The following MOV10 variants were observed in gnomAD, a reference collection of about 807,000 sequenced individuals.
MOV10 encodes the protein Mov10 RNA helicase.
MOV10 carries 39 observed loss-of-function variants against 108.4 expected under a neutral mutation model. That is an observed-to-expected ratio of 0.36 (90% CI 0.28 to 0.47). MOV10 has a LOEUF of 0.47. MOV10 is among the 20% of genes least tolerant of loss of function. MOV10 has a pLI of 1.00. For synonymous variants in MOV10, 490 were observed against 523.1 expected, an observed-to-expected ratio of 0.94 and a Z score of 0.86; for missense variants, 952 against 1,297.6, an observed-to-expected ratio of 0.73 and a Z score of 4.09.
chr1:112,698,509 G>T lies in MOV10; in HGVS notation c.2508+31G>T, dbSNP rs754805863. ...GTCCTCAGTTACCAGCAAGGGTGGG[G>T]CCCCTCCCCCAGATGGTACCTCCTT... On this transcript the variant is annotated intron_variant, in intron 16 of 20. Transcript: ENST00000369645. 6.9e-6 allele frequency: 11 copies of T among 1,604,726 alleles called. No individual in the cohort carries two copies. In the African/African-American group the frequency reaches 1.5e-4, roughly 21 times the overall value.
At chr1:112,687,190 A>G (rs957535186) in intron 2 of MOV10, 2 of 339,042 alleles carry the variant, frequency 5.9e-6, no homozygotes, top group African/African-American at 2.2e-5. Flanking sequence ...AGTAGCTAAC[A>G]TTTACTGAGC....
In MOV10 at chr1:112,674,946, G is replaced by C; in HGVS notation, c.34G>C (p.Glu12Gln). ...TAAGTTCAGCTGCCGGCAGCTCCGG[G>C]AGGCGGGCCAGTGTTTCGAGAGTTT... is the stretch of plus-strand genomic sequence containing the variant. ...PSKFSCRQLR[E>Q]AGQCFESFLV... The change falls in exon 2 of 21, where the codon GAG becomes CAG. Residue 12 changes from glutamate (E) to glutamine (Q), a missense_variant. Coordinates refer to ENST00000369645, the MANE Select transcript of MOV10 (RefSeq NM_001321324.2). 6.3e-7 allele frequency: 1 copy of C among 1,583,794 alleles called. No individual in the cohort carries two copies. Among genetic ancestry groups the C allele is most frequent in the South Asian group, 1.1e-5 (1 of 88,538 alleles).
Position 112,698,431 on chromosome 1 carries a change from C to T in MOV10, c.2461C>T (p.Arg821Cys), listed in dbSNP as rs1374726085. Residue 821 changes from arginine (R) to cysteine (C), a missense_variant, in exon 16 of 21, where the codon CGC becomes TGC. Around this residue, in one of 5 missense-constraint regions of MOV10, gnomAD observed 453 missense variants for 611.5 expected, o/e 0.74. Transcript: ENST00000369645. Reference protein sequence around the residue: ...LAPSSKKGKARLSPRSVGVIS... With the variant: ...LAPSSKKGKACLSPRSVGVIS... ...CCCCTCCTCCAAGAAGGGCAAAGCT[C>T]GCCTGAGCCCTCGAAGTGTGGGCGT... 9 of 1,614,032 alleles carry T rather than the reference C, an allele frequency of 5.6e-6. No individual in the cohort carries two copies. In the Admixed American group the frequency reaches 6.7e-5, roughly 12 times the overall value.
chr1:112,688,804 C>G, intron 2 of MOV10, 131 bp from the exon 3 acceptor site: 1 of 1,512,592 alleles, frequency 6.6e-7, no homozygotes, highest in Non-Finnish European at 8.8e-7. Flanking sequence ...TGTCTCTGGG[C>G]CCCATCCTGC....
rs893972575 is a variant in MOV10 at position 112,675,432 on chromosome 1, C to G, written c.137+383C>G. On this transcript the variant is annotated intron_variant, in intron 2 of 20. Coordinates refer to ENST00000369645, the MANE Select transcript of MOV10 (RefSeq NM_001321324.2). The surrounding 1 kb of genome is among the most constrained non-coding windows in gnomAD (Gnocchi z 4.7). The stretch of plus-strand genomic sequence containing the variant: ...AGAGGGGGCCCAGGCATCGCGGGAG[C>G]GCGGGTTAGAGGCTGCCTGTTGGGG... Among the ~76,000 whole-genome samples, 1 of 152,170 alleles carries G rather than the reference C, an allele frequency of 6.6e-6. No homozygotes were observed.
At chr1:112,674,532 G>A (rs563424257), upstream of MOV10, 14 of 162,214 alleles carry the variant, frequency 8.6e-5, 1 homozygote, top group South Asian at 6.5e-4. Context: ...CGTGAGGGTA[G>A]CCCTGGCTGA....
At position 112,694,095 on chromosome 1, in the gene MOV10, C is replaced by G; in HGVS notation, c.1218C>G (p.His406Gln). Residue 406 changes from histidine to glutamine, a missense_variant, in exon 8 of 21, where the codon CAC (histidine) becomes CAG (glutamine). Physicochemically the swap from His to Gln is conservative, Grantham distance 24. This residue lies in a region of MOV10 where 453 missense variants were observed against 611.5 expected (regional missense o/e 0.74). Transcript: ENST00000369645. This position sits in a 1 kb window ranked among gnomAD's most constrained non-coding sequence, Gnocchi z 4.1. ...HLFALLSSET[H>Q]QEDPITYKGF... is the part of the protein sequence containing the mutation. The stretch of plus-strand genomic sequence containing the variant: ...TTGCCCTTTTGTCCTCGGAGACACA[C>G]CAGGAGGACCCCATCACATATAAGG... 1 of 1,614,042 alleles carries G rather than the reference C, an allele frequency of 6.2e-7. No individual in the cohort carries two copies. Among genetic ancestry groups the G allele is most frequent in the South Asian group, 1.1e-5 (1 of 91,080 alleles).
chr1:112,680,218 T>G (rs1336770160), intron 2 of MOV10, among the ~76,000 whole-genome samples: 1 of 152,114 alleles, frequency 6.6e-6, no homozygotes, highest in African/African-American at 2.4e-5. Context: ...ATCTCATTAT[T>G]GTGTTTTATA....
chr1:112,685,996 G>C (rs12071242), intron 2 of MOV10, among the ~76,000 whole-genome samples: 1 of 152,172 alleles, frequency 6.6e-6, no homozygotes, highest in South Asian at 2.1e-4. Flanking sequence ...TTGAAAGTCA[G>C]ATCTGGCCAT....
chr1:112,675,260 G>C lies in MOV10; in HGVS notation c.137+211G>C, dbSNP rs1672094713. Among the ~76,000 whole-genome samples, 2 of 151,918 alleles carry C rather than the reference G, an allele frequency of 1.3e-5. No homozygotes were observed. The highest frequency in any genetic ancestry group is 4.1e-4 in the South Asian group (2 of 4,830). ...GAGCCCGCCAGTTCTGCCCGAGCTG[G>C]GCCCCTGCGCCAAGTCGCCGCGGAG... On this transcript the variant is annotated intron_variant, in intron 2 of 20. Coordinates refer to ENST00000369645, the MANE Select transcript of MOV10 (RefSeq NM_001321324.2). This position sits in a 1 kb window ranked among gnomAD's most constrained non-coding sequence, Gnocchi z 4.7.
At chr1:112,688,816 C>A in intron 2 of MOV10, 119 bp from the exon 3 acceptor site, 1 of 1,537,224 alleles carries the variant, frequency 6.5e-7, no homozygotes, top group Non-Finnish European at 8.7e-7. Flanking sequence ...CCATCCTGCT[C>A]CACAGCAGGG....
chr1:112,686,877 A>T, intron 2 of MOV10: 1 of 453,870 alleles, frequency 2.2e-6, no homozygotes, highest in Non-Finnish European at 4.4e-6. Flanking sequence ...CTTCTTCTGT[A>T]TCTCTACCCA....
Position 112,700,553 on chromosome 1 carries a change from T to A in MOV10, c.*46T>A. ...TCGCACCAGCCAAGCCTTAACTGCCTGCCTGACCCTGAACCAGAACCCAGC... is the reference window on the plus strand; with the variant it reads ...TCGCACCAGCCAAGCCTTAACTGCCAGCCTGACCCTGAACCAGAACCCAGC... On this transcript the variant is annotated 3_prime_UTR_variant, in exon 21 of 21. Transcript: ENST00000369645. The A allele has an allele frequency of 6.2e-7, 1 of 1,604,598 alleles. No homozygotes were observed. Among genetic ancestry groups the A allele is most frequent in the South Asian group, 1.1e-5 (1 of 89,864 alleles).
At chr1:112,691,901 A>G (rs1673625587) in intron 6 of MOV10, 102 bp downstream of exon 6, 2 of 1,328,840 alleles carry the variant, frequency 1.5e-6, no homozygotes, top group African/African-American at 1.5e-5. Context: ...GGCTGTATTC[A>G]TTCATTCCCT....
At position 112,674,876 on chromosome 1, in the gene MOV10, C is replaced by T; in HGVS notation, c.-37C>T. On this transcript the variant is annotated 5_prime_UTR_variant, in exon 2 of 21. Transcript: ENST00000369645. The stretch of plus-strand genomic sequence containing the variant: ...CAGCGGCGACTTTCAGTTTCATTTC[C>T]ACGGACCCTCCTGCCTGGGCCGCAG... 6.6e-7 allele frequency: 1 copy of T among 1,523,874 alleles called. No individual in the cohort carries two copies. The highest frequency in any genetic ancestry group is 8.8e-7 in the Non-Finnish European group (1 of 1,140,736). The allele number at this position is 1,523,874 out of a possible 1,614,324, so 94.4% of individuals were successfully genotyped here.
In MOV10 at chr1:112,689,054, G is replaced by C; in HGVS notation, c.257G>C (p.Arg86Pro). Residue 86 changes from arginine (R) to proline (P), a missense_variant, in exon 3 of 21, where the codon CGG (arginine) becomes CCG (proline). This residue lies in a region of MOV10 where 374 missense variants were observed against 468.6 expected (regional missense o/e 0.80). Coordinates refer to ENST00000369645, the MANE Select transcript of MOV10 (RefSeq NM_001321324.2). ...AGACTCGACCGCTGGGCCGACGTGC[G>C]GTTCCCAGAAAAGAGGAGAATGAAG... The part of the protein sequence containing the change: ...FFRLDRWADV[R>P]FPEKRRMKLG... 6.2e-7 allele frequency: 1 copy of C among 1,612,576 alleles called. No homozygotes were observed. The highest frequency in any genetic ancestry group is 1.1e-5 in the South Asian group (1 of 91,004).
intron 2 of MOV10, among the ~76,000 whole-genome samples, chr1:112,680,377 C>A (rs1309565000): frequency 6.6e-6 from 1 of 152,036 alleles, no homozygotes; most frequent in Admixed American, 6.5e-5. Context: ...TACTTTTGGG[C>A]CGGGCGCGGT....
chr1:112,698,914 C>A, intron 17 of MOV10, 125 bp downstream of exon 17: 1 of 801,674 alleles, frequency 1.2e-6, no homozygotes, highest in Non-Finnish European at 2.2e-6. Context: ...TTGAATAGAG[C>A]TCGAGCTCTC....
chr1:112,696,888 T>C (rs1426839812), intron 14 of MOV10, 42 bp downstream of exon 14: 2 of 1,497,984 alleles, frequency 1.3e-6, no homozygotes, highest in Admixed American at 3.9e-5. Context: ...TCCTATGCTT[T>C]CACATCCTGC....
Sources: gnomAD v4.1 joint callset for allele counts (sites outside exome capture counted in the v4.1 genomes callset) on GRCh38, gnomAD v4.1.1 for gene constraint, gnomAD v4.1.1 regional missense constraint, Gnocchi (gnomAD v3.1) non-coding constraint, MANE v1.5 for transcripts, NCBI Gene and HGNC (gene_info 2026-07-23, HGNC 2026-07-21) for gene names.